GALNT13: variants seen among roughly 807,000 people sequenced by gnomAD.
GALNT13 encodes the protein UDP-GalNAc:polypeptide N-acetylgalactosaminyltransferase 13.
A neutral mutation model predicts 64.2 loss-of-function variants in GALNT13; 28 were observed. The observed-to-expected ratio is 0.44, with a 90% CI of 0.32 to 0.60. GALNT13 has a LOEUF of 0.60. Ranked by LOEUF, GALNT13 falls within the 20% of genes least tolerant of loss-of-function variation. The pLI is 0.05. For synonymous variants in GALNT13, 214 were observed against 224.6 expected (o/e 0.95, Z 0.42); for missense variants, 577 against 669.8 (o/e 0.86, Z 1.53).
At chr2:153,845,742 A>T in the GALNT13 span, among the ~76,000 whole-genome samples, 2 of 152,062 alleles carry the variant, frequency 1.3e-5, no homozygotes, top group Non-Finnish European at 2.9e-5. Flanking sequence ...GACAATAGAC[A>T]TCAAACCACA....
At chr2:154,099,285 T>G (rs1002026788) in intron 3 of GALNT13, among the ~76,000 whole-genome samples, 4 of 152,128 alleles carry the variant, frequency 2.6e-5, no homozygotes, top group Non-Finnish European at 5.9e-5. Flanking sequence ...TCTTGTTGAG[T>G]TATTTTAGTT....
In GALNT13 at chr2:154,082,716, C is replaced by CTT. The variant is rs527419423; in HGVS notation, c.143-57616_143-57615dup. Among the ~76,000 whole-genome samples the CTT allele has an allele frequency of 2.1e-3, 324 of 151,178 alleles. 2 individuals are homozygous for CTT. The highest frequency in any genetic ancestry group is 0.017 in the Admixed American group (258 of 15,098). On this transcript the variant is annotated intron_variant, in intron 3 of 12. Transcript: ENST00000392825. ...ATGGCCACCTCTGCTTCAGACTCACCTTTTTTCTGTTCATATCCTTTGCCC... is the reference window on the plus strand; with the variant it reads ...ATGGCCACCTCTGCTTCAGACTCACCTTTTTTTTCTGTTCATATCCTTTGCCC...
At chr2:154,227,821 G>A (rs555952087) in intron 4 of GALNT13, among the ~76,000 whole-genome samples, 9 of 151,912 alleles carry the variant, frequency 5.9e-5, no homozygotes, top group Admixed American at 2.0e-4. Context: ...TGGCTGTAGC[G>A]TTTACCCTGA....
chr2:154,071,581 A>G (rs984267935), intron 3 of GALNT13, among the ~76,000 whole-genome samples: 1 of 152,092 alleles, frequency 6.6e-6, no homozygotes, highest in Non-Finnish European at 1.5e-5. Context: ...ATATTTGTGA[A>G]TTTTACTACT....
chr2:153,939,759 A>G (rs1243192095), intron 2 of GALNT13, among the ~76,000 whole-genome samples: 6 of 152,154 alleles, frequency 3.9e-5, no homozygotes, highest in Non-Finnish European at 8.8e-5. Flanking sequence ...AATAATAACT[A>G]ATCTATATTG....
chr2:154,346,263 A>G (rs1696061316), intron 9 of GALNT13, among the ~76,000 whole-genome samples: 1 of 152,096 alleles, frequency 6.6e-6, no homozygotes. Context: ...AATGCTTTCC[A>G]AAACTAAATA....
chr2:154,006,190 C>G (rs1347053463), intron 3 of GALNT13, among the ~76,000 whole-genome samples: 2 of 152,092 alleles, frequency 1.3e-5, no homozygotes, highest in African/African-American at 4.8e-5. Context: ...CATTGGACTT[C>G]AAATGGAAGT....
At chr2:153,494,695 T>C in the GALNT13 span, among the ~76,000 whole-genome samples, 4 of 152,044 alleles carry the variant, frequency 2.6e-5, no homozygotes, top group African/African-American at 9.7e-5. Context: ...GACCTTAATG[T>C]AGGCAAAGGT....
At chr2:153,890,759 A>G (rs185370425) in intron 1 of GALNT13, among the ~76,000 whole-genome samples, 9 of 152,138 alleles carry the variant, frequency 5.9e-5, no homozygotes, top group Admixed American at 5.2e-4. Flanking sequence ...TTTCTTCAGC[A>G]CATCACTCCT....
At chr2:153,771,565 A>T in the GALNT13 span, among the ~76,000 whole-genome samples, 1 of 152,068 alleles carries the variant, frequency 6.6e-6, no homozygotes, top group Non-Finnish European at 1.5e-5. Flanking sequence ...CAGTCTCCCA[A>T]TCCAGGTGAG....
At chr2:153,343,877 C>T in the GALNT13 span, among the ~76,000 whole-genome samples, 1 of 152,238 alleles carries the variant, frequency 6.6e-6, no homozygotes, top group Middle Eastern at 3.4e-3. Context: ...CCTGCATCTA[C>T]AAAATTAAAC....
At chr2:154,211,620 C>T (rs1687768857) in intron 4 of GALNT13, among the ~76,000 whole-genome samples, 1 of 67,322 alleles carries the variant, frequency 1.5e-5, no homozygotes. Flanking sequence ...AAGAGCGAAA[C>T]TCCATCTCCA....
the GALNT13 span, among the ~76,000 whole-genome samples, chr2:153,162,732 TAC>T: frequency 2.0e-5 from 3 of 152,222 alleles, no homozygotes; most frequent in Non-Finnish European, 4.4e-5. Flanking sequence ...CCATAGCTTA[TAC>T]TAACACTAAA....
chr2:153,092,725 A>AT, the GALNT13 span, among the ~76,000 whole-genome samples: 2 of 152,090 alleles, frequency 1.3e-5, no homozygotes, highest in African/African-American at 4.8e-5. Flanking sequence ...CAGTTCTAAT[A>AT]TTTTTCTTGT....
chr2:154,241,120 C>T (rs898886158), intron 4 of GALNT13, among the ~76,000 whole-genome samples: 10 of 152,134 alleles, frequency 6.6e-5, no homozygotes, highest in Admixed American at 2.0e-4. Context: ...TGTGTCTTCT[C>T]GGGCAGATCT....
At chr2:153,323,270 G>A in the GALNT13 span, among the ~76,000 whole-genome samples, 1 of 151,862 alleles carries the variant, frequency 6.6e-6, no homozygotes, top group Non-Finnish European at 1.5e-5. Flanking sequence ...TTTTTTTCAT[G>A]TTTTTTGGCC....
At chr2:153,383,307 A>G in the GALNT13 span, among the ~76,000 whole-genome samples, 4 of 152,076 alleles carry the variant, frequency 2.6e-5, no homozygotes, top group Admixed American at 6.6e-5. Context: ...CGGCATCCAC[A>G]TAGCATGGAG....
the GALNT13 span, among the ~76,000 whole-genome samples, chr2:153,778,625 TGGAA>T: frequency 6.6e-6 from 1 of 152,252 alleles, no homozygotes; most frequent in Admixed American, 6.5e-5. Context: ...TGACTCATAA[TGGAA>T]GACACTTAAT....
At chr2:153,829,442 G>T in the GALNT13 span, among the ~76,000 whole-genome samples, 1 of 146,376 alleles carries the variant, frequency 6.8e-6, no homozygotes, top group South Asian at 2.1e-4. Context: ...GAGAGAGCTT[G>T]TGCAGGGAAA....
Sources: allele counts gnomAD v4.1 joint callset (sites outside exome capture counted in the v4.1 genomes callset), GRCh38; gene constraint gnomAD v4.1.1; transcripts MANE v1.5; gene names NCBI Gene and HGNC (gene_info 2026-07-23, HGNC 2026-07-21).